The following AGBL4 variants were observed in gnomAD, a reference collection of about 807,000 sequenced individuals.
AGBL4 encodes the protein AGBL carboxypeptidase 4.
Under a neutral mutation model 66.4 loss-of-function variants are expected in AGBL4, and 58 were observed. That is an observed-to-expected ratio of 0.87 (90% confidence interval 0.71 to 1.09). The LOEUF (loss-of-function observed/expected upper bound fraction) is 1.09, where lower values mean the gene tolerates loss of function less well. Ranked by LOEUF, AGBL4 falls within the 50% of genes least tolerant of loss-of-function variation. The pLI is 0.00. For missense variants in AGBL4, 579 were observed against 631.0 expected (o/e 0.92, Z 0.88); for synonymous variants, 234 against 222.9 (o/e 1.05, Z -0.44).
chr1:48,863,956 A>T (rs559387323), intron 6 of AGBL4, among the ~76,000 whole-genome samples: 16 of 152,244 alleles, frequency 1.1e-4, no homozygotes, highest in South Asian at 4.1e-4. Flanking sequence ...ACATAAAAAA[A>T]TTTTTTAAAA....
intron 3 of AGBL4, among the ~76,000 whole-genome samples, chr1:49,247,139 G>C (rs1056605651): frequency 6.6e-6 from 1 of 151,994 alleles, no homozygotes; most frequent in Non-Finnish European, 1.5e-5. Flanking sequence ...TTTTACTCTT[G>C]AGTTAATCAC....
intron 4 of AGBL4, among the ~76,000 whole-genome samples, chr1:49,120,059 G>A (rs529001338): frequency 1.3e-5 from 2 of 151,614 alleles, no homozygotes; most frequent in African/African-American, 4.8e-5. Flanking sequence ...CCTTTATTTT[G>A]AGCCTATGTG....
At chr1:48,822,129 C>A (rs1052530950) in intron 6 of AGBL4, among the ~76,000 whole-genome samples, 37 of 152,184 alleles carry the variant, frequency 2.4e-4, no homozygotes, top group African/African-American at 8.9e-4. Context: ...GATACAAACA[C>A]CTTGGAAAAC....
At chr1:48,887,756 T>A (rs1390640620) in intron 5 of AGBL4, among the ~76,000 whole-genome samples, 3 of 152,168 alleles carry the variant, frequency 2.0e-5, no homozygotes, top group African/African-American at 4.8e-5. Context: ...ACAGGCCTTG[T>A]CAAAAGTCTC....
intron 10 of AGBL4, among the ~76,000 whole-genome samples, chr1:48,588,143 G>GATTGCT: frequency 1.3e-5 from 2 of 152,124 alleles, no homozygotes; most frequent in Non-Finnish European, 2.9e-5. Flanking sequence ...TAGAGGTGGA[G>GATTGCT]CAAGTAAGTG....
At chr1:49,195,962 G>A (rs1171236287) in intron 4 of AGBL4, among the ~76,000 whole-genome samples, 1 of 152,056 alleles carries the variant, frequency 6.6e-6, no homozygotes, top group Non-Finnish European at 1.5e-5. Flanking sequence ...GGTTTCATAA[G>A]GGGCTTTTCT....
intron 6 of AGBL4, among the ~76,000 whole-genome samples, chr1:48,742,420 GA>G (rs963819734): frequency 1.1e-4 from 8 of 75,988 alleles, no homozygotes; most frequent in South Asian, 1.0e-3. Context: ...AAGAAAGAAA[GA>G]AAAAAAAAAG....
At chr1:49,817,670 C>T (rs1228297104) in intron 2 of AGBL4, among the ~76,000 whole-genome samples, 1 of 152,086 alleles carries the variant, frequency 6.6e-6, no homozygotes, top group Non-Finnish European at 1.5e-5. Context: ...TATACTCTTC[C>T]CATCAGCAAT....
At chr1:49,427,692 C>T (rs1353560794) in intron 3 of AGBL4, among the ~76,000 whole-genome samples, 1 of 152,116 alleles carries the variant, frequency 6.6e-6, no homozygotes, top group African/African-American at 2.4e-5. Context: ...GTGGTGAGGA[C>T]CCAAAGAGTG....
chr1:49,614,333 C>T (rs1459194001), intron 3 of AGBL4, among the ~76,000 whole-genome samples: 1 of 152,066 alleles, frequency 6.6e-6, no homozygotes, highest in Non-Finnish European at 1.5e-5. Context: ...TGGCCCCCTT[C>T]TCTCAATATT....
chr1:49,861,067 G>C (rs1467861371), intron 1 of AGBL4, among the ~76,000 whole-genome samples: 1 of 152,078 alleles, frequency 6.6e-6, no homozygotes, highest in Non-Finnish European at 1.5e-5. Context: ...AAGAAAAACA[G>C]ACCAAACTCA....
chr1:48,585,917 A>C (rs1191975898), intron 11 of AGBL4: 1 of 151,906 alleles, frequency 6.6e-6, no homozygotes, highest in African/African-American at 2.4e-5. Flanking sequence ...GGAATTCCAT[A>C]AACACTCACC....
At chr1:49,922,663 C>G (rs904501845) in intron 1 of AGBL4, among the ~76,000 whole-genome samples, 1 of 152,094 alleles carries the variant, frequency 6.6e-6, no homozygotes, top group African/African-American at 2.4e-5. Context: ...TTCCTACAAA[C>G]CAACAACAGC....
At chr1:48,839,518 A>C (rs1031712639) in intron 6 of AGBL4, among the ~76,000 whole-genome samples, 6 of 152,128 alleles carry the variant, frequency 3.9e-5, no homozygotes, top group Non-Finnish European at 7.4e-5. Context: ...GTGAGAGCTA[A>C]AAACATTGAT....
At chr1:49,054,208 C>A (rs543652348) in intron 4 of AGBL4, among the ~76,000 whole-genome samples, 2 of 152,024 alleles carry the variant, frequency 1.3e-5, no homozygotes, top group African/African-American at 4.8e-5. Context: ...AGCAGAAGAA[C>A]TAAAACCAGC....
At chr1:49,300,077 T>G (rs1362041006) in intron 3 of AGBL4, among the ~76,000 whole-genome samples, 2 of 152,238 alleles carry the variant, frequency 1.3e-5, no homozygotes, top group African/African-American at 2.4e-5. Context: ...CTTTCCTTCC[T>G]GTCTTTACCT....
At chr1:49,669,802 G>C (rs1646441626) in intron 3 of AGBL4, among the ~76,000 whole-genome samples, 1 of 151,954 alleles carries the variant, frequency 6.6e-6, no homozygotes, top group Non-Finnish European at 1.5e-5. Flanking sequence ...AAAAAATTAA[G>C]TTTCCAGTGT....
intron 4 of AGBL4, among the ~76,000 whole-genome samples, chr1:49,243,257 TAGAA>T (rs1449065459): frequency 6.6e-6 from 1 of 151,750 alleles, no homozygotes; most frequent in Non-Finnish European, 1.5e-5. Context: ...AAGCTAGAAT[TAGAA>T]AGACACTGGA....
rs192080436 is a variant in AGBL4 at position 48,710,755 on chromosome 1, G to A, written c.635-47514C>T. On this transcript the variant is annotated intron_variant, in intron 6 of 13. Coordinates refer to ENST00000371839, the MANE Select transcript of AGBL4 (RefSeq NM_032785.4). The stretch of plus-strand genomic sequence containing the variant: ...CTTTCATACCTTGCCTATAGGCCCT[G>A]CGCTGGGAAGACCTAAAGATGAGTA... Among the ~76,000 whole-genome samples the A allele has an allele frequency of 2.0e-3, 304 of 152,272 alleles. 1 individual carries two copies. The highest frequency in any genetic ancestry group is 0.01 in the Middle Eastern group (3 of 294).
Sources: gnomAD v4.1 joint callset for allele counts (sites outside exome capture counted in the v4.1 genomes callset) on GRCh38, gnomAD v4.1.1 for gene constraint, MANE v1.5 for transcripts, NCBI Gene and HGNC (gene_info 2026-07-23, HGNC 2026-07-21) for gene names.